Variants in PPME1 observed in about 807,000 individuals in gnomAD.
PPME1 encodes testicular secretory protein Li 39.
Under a neutral mutation model 56.9 loss-of-function variants are expected in PPME1, and 17 were observed. That is an observed-to-expected ratio of 0.30 (90% confidence interval 0.20 to 0.45). The LOEUF (loss-of-function observed/expected upper bound fraction) is 0.45. Among genes scored for constraint, PPME1 ranks in the 20% least tolerant of loss-of-function variants. PPME1 has a pLI of 1.00. For synonymous variants in PPME1, 122 were observed against 156.2 expected, an observed-to-expected ratio of 0.78 and a Z score of 1.63; for missense variants, 357 against 483.2, an observed-to-expected ratio of 0.74 and a Z score of 2.45.
chr11:74,239,645 C>T (rs547104864), intron 9 of PPME1, among the ~76,000 whole-genome samples: 3 of 149,388 alleles, frequency 2.0e-5, no homozygotes, highest in South Asian at 2.1e-4. Context: ...GGCGCGATCT[C>T]GGCTCACTGC....
At chr11:74,201,272 G>T (rs1354764780) in intron 1 of PPME1, among the ~76,000 whole-genome samples, 1 of 152,118 alleles carries the variant, frequency 6.6e-6, no homozygotes, top group Non-Finnish European at 1.5e-5. Flanking sequence ...ACCGCGCCCG[G>T]CTACAGGCCT....
chr11:74,176,287 ATCT>A (rs1857398411), intron 1 of PPME1, among the ~76,000 whole-genome samples: 1 of 152,140 alleles, frequency 6.6e-6, no homozygotes, highest in Non-Finnish European at 1.5e-5. Context: ...TCTTTCATCC[ATCT>A]TCTTAAATTT....
At chr11:74,207,844 T>C (rs1432505102) in intron 3 of PPME1, among the ~76,000 whole-genome samples, 2 of 152,218 alleles carry the variant, frequency 1.3e-5, no homozygotes, top group African/African-American at 4.8e-5. Context: ...TTTTCAGCTT[T>C]GGTACCTCTG....
intron 1 of PPME1, among the ~76,000 whole-genome samples, chr11:74,187,986 C>T (rs1352981412): frequency 6.6e-6 from 1 of 152,122 alleles, no homozygotes; most frequent in Non-Finnish European, 1.5e-5. Context: ...TTTGAAGATG[C>T]TGTGTTGCTT....
At position 74,230,928 on chromosome 11, in the gene PPME1, A is replaced by G; in HGVS notation, c.570A>G (p.Ala190=). 1 of 1,602,292 alleles carries G rather than the reference A, an allele frequency of 6.2e-7. No homozygotes were observed. The highest frequency in any genetic ancestry group is 8.5e-7 in the Non-Finnish European group (1 of 1,174,048). Residue 190 remains alanine (A), a synonymous_variant, in exon 7 of 14, where the codon GCA becomes GCG. Transcript: ENST00000328257. The surrounding 1 kb of genome is among the most constrained non-coding windows in gnomAD (Gnocchi z 4.9). The part of the protein sequence containing the change: ...IDVVEGTAMD[A]LNSMQNFLRG... ...AACATCCAGGTACAGCTATGGATGC[A>G]CTTAATAGCATGCAGAATTTCTTAC... is the stretch of plus-strand genomic sequence containing the variant.
At chr11:74,236,629 C>A (rs1348169678) in intron 8 of PPME1, among the ~76,000 whole-genome samples, 2 of 152,108 alleles carry the variant, frequency 1.3e-5, no homozygotes, top group African/African-American at 4.8e-5. Flanking sequence ...AAATTTTGCA[C>A]ATATAAAAGA....
At chr11:74,192,963 C>T (rs775171969) in intron 1 of PPME1, among the ~76,000 whole-genome samples, 56 of 152,168 alleles carry the variant, frequency 3.7e-4, no homozygotes, top group Non-Finnish European at 6.9e-4. Flanking sequence ...TGTTTCTTCT[C>T]ACCTAAAAAA....
chr11:74,243,407 T>C (rs946589091), intron 9 of PPME1: 1 of 152,106 alleles, frequency 6.6e-6, no homozygotes, highest in Non-Finnish European at 1.5e-5. Context: ...GTCATTTCCC[T>C]GTGAAGTTCA....
intron 2 of PPME1, 75 bp from the exon 3 acceptor site, chr11:74,204,278 C>A: frequency 1.8e-6 from 2 of 1,138,556 alleles, no homozygotes; most frequent in Admixed American, 2.2e-5. Flanking sequence ...AAGTTTCTAG[C>A]GGTATTACTA....
At chr11:74,242,646 C>G (rs1190094401) in intron 9 of PPME1, among the ~76,000 whole-genome samples, 1 of 151,682 alleles carries the variant, frequency 6.6e-6, no homozygotes, top group South Asian at 2.1e-4. Flanking sequence ...TTTGGGAGGC[C>G]GAGGTGGGTG....
chr11:74,182,509 G>A (rs984384483), intron 1 of PPME1, among the ~76,000 whole-genome samples: 1 of 151,716 alleles, frequency 6.6e-6, no homozygotes, highest in Non-Finnish European at 1.5e-5. Context: ...ACAGGTGTGT[G>A]CCACCACGCC....
rs190416026 is a variant in PPME1 at position 74,178,758 on chromosome 11, A to G, written c.101+7236A>G. ...TTCCATTGTTGCTTATTGCCAGCAA[A>G]TCTATTTCTTCTTAGTATCTCCAAA... On this transcript the variant is annotated intron_variant, in intron 1 of 13. Coordinates refer to ENST00000328257, the MANE Select transcript of PPME1 (RefSeq NM_016147.3). Among the ~76,000 whole-genome samples the G allele has an allele frequency of 4.7e-3, 713 of 152,242 alleles. 3 individuals carry two copies. Among genetic ancestry groups the G allele is most frequent in the African/African-American group, 0.017 (687 of 41,528 alleles).
chr11:74,230,472 CTTAGT>C lies in PPME1; in HGVS notation c.553+77_553+81del. The C allele has an allele frequency of 6.6e-7, 1 of 1,506,106 alleles. No homozygotes were observed. The highest frequency in any genetic ancestry group is 1.2e-5 in the South Asian group (1 of 84,760). 93.3% of individuals were successfully genotyped at this position (1,506,106 alleles called of 1,614,324 possible). On this transcript the variant is annotated intron_variant, in intron 6 of 13. Coordinates refer to ENST00000328257, the MANE Select transcript of PPME1 (RefSeq NM_016147.3). This position sits in a 1 kb window ranked among gnomAD's most constrained non-coding sequence, Gnocchi z 4.9. ...CATCCTTGGTAGATTATTACCTTGT[CTTAGT>C]TTATTGTTGATTTCATTCATCTTGA...
chr11:74,224,274 G>T (rs977508975), intron 4 of PPME1, among the ~76,000 whole-genome samples: 12 of 146,648 alleles, frequency 8.2e-5, no homozygotes, highest in Non-Finnish European at 1.8e-4. Context: ...CGATATTTCT[G>T]AGGGCTCTGT....
chr11:74,237,058 A>T (rs1337367641), intron 8 of PPME1, among the ~76,000 whole-genome samples: 6 of 149,514 alleles, frequency 4.0e-5, no homozygotes, highest in South Asian at 2.1e-4. Context: ...CTTGCAATTT[A>T]TTTCTTGAGG....
intron 1 of PPME1, among the ~76,000 whole-genome samples, chr11:74,186,962 A>G (rs1230664272): frequency 2.0e-5 from 3 of 152,180 alleles, no homozygotes; most frequent in African/African-American, 4.8e-5. Context: ...ATTCTTTTGC[A>G]TGTGGATATC....
intron 1 of PPME1, among the ~76,000 whole-genome samples, chr11:74,172,003 AG>A (rs1163701274): frequency 2.0e-5 from 3 of 152,158 alleles, no homozygotes; most frequent in African/African-American, 4.8e-5. Context: ...AGAAAAGCTG[AG>A]GGGGGTAGAA....
At chr11:74,198,831 A>T (rs994078873) in intron 1 of PPME1, 2 of 152,222 alleles carry the variant, frequency 1.3e-5, no homozygotes, top group Admixed American at 1.3e-4. Context: ...GATCGGGTGC[A>T]TTCAGGGTGT....
chr11:74,245,150 T>C (rs1196492873), intron 9 of PPME1, among the ~76,000 whole-genome samples: 1 of 152,114 alleles, frequency 6.6e-6, no homozygotes, highest in Non-Finnish European at 1.5e-5. Flanking sequence ...TTCAAAATTG[T>C]TTTGGCTAGT....
Sources: allele counts gnomAD v4.1 joint callset (sites outside exome capture counted in the v4.1 genomes callset), GRCh38; gene constraint gnomAD v4.1.1; non-coding constraint Gnocchi (gnomAD v3.1); transcripts MANE v1.5; gene names NCBI Gene and HGNC (gene_info 2026-07-23, HGNC 2026-07-21).